Variants in RFX3 observed in about 807,000 individuals in gnomAD.
RFX3 encodes transcription factor RFX3.
In RFX3, 14 loss-of-function variants were observed where a neutral mutation model predicts 98.6. That is an observed-to-expected ratio of 0.14 (90% confidence interval 0.09 to 0.22). RFX3 has a LOEUF of 0.22. Among genes scored for constraint, RFX3 ranks in the 10% least tolerant of loss-of-function variants. RFX3 has a pLI of 1.00. For synonymous variants in RFX3, 383 were observed against 328.4 expected, an observed-to-expected ratio of 1.17 and a Z score of -1.80; for missense variants, 639 against 926.9, an observed-to-expected ratio of 0.69 and a Z score of 4.03.
intron 3 of RFX3, among the ~76,000 whole-genome samples, chr9:3,337,423 A>G (rs569434095): frequency 6.6e-6 from 1 of 152,354 alleles, no homozygotes; most frequent in African/African-American, 2.4e-5. Context: ...TAAGCCAGGT[A>G]CTGGCTTTTC....
intron 1 of RFX3, among the ~76,000 whole-genome samples, chr9:3,438,600 C>A (rs1845361196): frequency 6.8e-6 from 1 of 147,810 alleles, no homozygotes; most frequent in Admixed American, 6.7e-5. Flanking sequence ...GGTTAATAGA[C>A]TCCTAAAAAA....
chr9:3,400,964 T>G (rs949075105), intron 1 of RFX3, among the ~76,000 whole-genome samples: 2 of 152,192 alleles, frequency 1.3e-5, no homozygotes, highest in Non-Finnish European at 2.9e-5. Flanking sequence ...AACCAGTACA[T>G]ACACTGCTTT....
At chr9:3,393,654 A>G (rs1840550991) in intron 2 of RFX3, among the ~76,000 whole-genome samples, 1 of 151,172 alleles carries the variant, frequency 6.6e-6, no homozygotes, top group African/African-American at 2.5e-5. Flanking sequence ...GAGTCTTAAA[A>G]TTGGTGATGG....
intron 1 of RFX3, among the ~76,000 whole-genome samples, chr9:3,447,533 G>C (rs572189835): frequency 1.3e-5 from 2 of 152,182 alleles, no homozygotes; most frequent in East Asian, 3.9e-4. Context: ...AATTTGTTTC[G>C]ATTTTTTTCT....
chr9:3,394,035 T>G (rs1156985586), intron 2 of RFX3, among the ~76,000 whole-genome samples: 1 of 152,174 alleles, frequency 6.6e-6, no homozygotes, highest in African/African-American at 2.4e-5. Flanking sequence ...AGCAATAGAT[T>G]GAAACATGTA....
intron 1 of RFX3, among the ~76,000 whole-genome samples, chr9:3,434,462 A>G (rs181452106): frequency 2.0e-5 from 3 of 152,200 alleles, no homozygotes; most frequent in Admixed American, 2.0e-4. Context: ...TGGTCTATGT[A>G]TACACTACAA....
chr9:3,241,411 A>T (rs1819905119), intron 15 of RFX3, among the ~76,000 whole-genome samples: 1 of 152,250 alleles, frequency 6.6e-6, no homozygotes, highest in South Asian at 2.1e-4. Context: ...AGAGGATGAG[A>T]GGAGAGGTTA....
chr9:3,340,557 G>GA (rs1218553343), intron 3 of RFX3, among the ~76,000 whole-genome samples: 1 of 151,886 alleles, frequency 6.6e-6, no homozygotes, highest in East Asian at 1.9e-4. Flanking sequence ...AAATTTACAA[G>GA]AAAAAAACAA....
At chr9:3,448,570 T>G in intron 1 of RFX3, among the ~76,000 whole-genome samples, 1 of 152,124 alleles carries the variant, frequency 6.6e-6, no homozygotes. Flanking sequence ...TAGACTGCGG[T>G]GGCGCCATCA....
At chr9:3,457,193 A>G (rs1020996929) in intron 1 of RFX3, among the ~76,000 whole-genome samples, 9 of 151,624 alleles carry the variant, frequency 5.9e-5, no homozygotes, top group Non-Finnish European at 1.0e-4. Context: ...CCCAAGGATA[A>G]ACATAAAACC....
intron 14 of RFX3, among the ~76,000 whole-genome samples, chr9:3,252,752 G>T (rs520111): frequency 0.98 from 149,856 of 152,274 alleles, 73,782 homozygotes; most frequent in Middle Eastern, 1. Context: ...GCAATCACCT[G>T]ATTTCAGCAT....
chr9:3,406,453 T>C (rs1841982786), intron 1 of RFX3, among the ~76,000 whole-genome samples: 1 of 152,064 alleles, frequency 6.6e-6, no homozygotes, highest in African/African-American at 2.4e-5. Context: ...GGTATTCCTA[T>C]AGCATACTAT....
chr9:3,484,526 C>A (rs1194081665), intron 1 of RFX3, among the ~76,000 whole-genome samples: 1 of 152,170 alleles, frequency 6.6e-6, no homozygotes, highest in Non-Finnish European at 1.5e-5. Context: ...AATAATGTAT[C>A]TGCCACATTT....
chr9:3,364,535 T>C (rs10511447), intron 2 of RFX3: 11,902 of 171,166 alleles, frequency 0.07, 537 homozygotes, highest in African/African-American at 0.12. Flanking sequence ...ATGCCATATT[T>C]GGTTGATGCC....
At chr9:3,290,162 G>A (rs1827155974) in intron 6 of RFX3, among the ~76,000 whole-genome samples, 1 of 150,114 alleles carries the variant, frequency 6.7e-6, no homozygotes. Context: ...TTTTTCTAGG[G>A]TTTGCTTCAC....
chr9:3,512,091 C>T (rs931570282), intron 1 of RFX3, among the ~76,000 whole-genome samples: 4 of 151,530 alleles, frequency 2.6e-5, no homozygotes, highest in African/African-American at 9.7e-5. Flanking sequence ...CCCATAAAAA[C>T]AAAAATAATA....
At chr9:3,385,533 C>T (rs934101268) in intron 2 of RFX3, among the ~76,000 whole-genome samples, 1 of 151,550 alleles carries the variant, frequency 6.6e-6, no homozygotes, top group Admixed American at 6.6e-5. Flanking sequence ...CATGGTGAAA[C>T]CCCGTCTCTA....
At chr9:3,395,779 C>T (rs968139106) in intron 1 of RFX3, among the ~76,000 whole-genome samples, 183 bp from the exon 2 acceptor site, 1 of 152,186 alleles carries the variant, frequency 6.6e-6, no homozygotes, top group Non-Finnish European at 1.5e-5. Context: ...TAAATAATTA[C>T]TAATCCACAT....
intron 5 of RFX3, among the ~76,000 whole-genome samples, chr9:3,295,158 C>T (rs980990695): frequency 7.3e-5 from 11 of 151,556 alleles, no homozygotes; most frequent in Admixed American, 5.9e-4. Context: ...AATTAAGTTA[C>T]TGAGGTTCAA....
Sources: gnomAD v4.1 joint callset for allele counts (sites outside exome capture counted in the v4.1 genomes callset) on GRCh38, gnomAD v4.1.1 for gene constraint, MANE v1.5 for transcripts, NCBI Gene and HGNC (gene_info 2026-07-23, HGNC 2026-07-21) for gene names.